Variants in TMEM132D observed in about 807,000 individuals in gnomAD.
TMEM132D encodes mature OL transmembrane protein.
TMEM132D carries 21 observed loss-of-function variants against 62.3 expected under a neutral mutation model. The observed-to-expected ratio is 0.34, with a 90% CI of 0.24 to 0.49. The LOEUF (loss-of-function observed/expected upper bound fraction) is 0.49. Among genes scored for constraint, TMEM132D ranks in the 20% least tolerant of loss-of-function variants. TMEM132D has a pLI of 0.99. For missense variants in TMEM132D, 1,346 were observed against 1,402.8 expected (o/e 0.96, Z 0.65); for synonymous variants, 621 against 575.6 (o/e 1.08, Z -1.13).
At chr12:129,423,229 A>G (rs1872382183) in intron 3 of TMEM132D, among the ~76,000 whole-genome samples, 1 of 152,190 alleles carries the variant, frequency 6.6e-6, no homozygotes, top group Non-Finnish European at 1.5e-5. Flanking sequence ...TTTAAGTCTG[A>G]AATCTATCAC....
chr12:129,397,813 G>A (rs1343912972), intron 3 of TMEM132D, among the ~76,000 whole-genome samples: 1 of 152,170 alleles, frequency 6.6e-6, no homozygotes, highest in Non-Finnish European at 1.5e-5. Flanking sequence ...CACCTGCACT[G>A]GCTGCACTGA....
intron 2 of TMEM132D, among the ~76,000 whole-genome samples, chr12:129,546,950 G>A (rs1045344074): frequency 9.2e-5 from 14 of 152,212 alleles, no homozygotes; most frequent in African/African-American, 2.9e-4. Context: ...GATTCATACA[G>A]GTTATGTTAG....
At position 129,881,965 on chromosome 12, in the gene TMEM132D, T is replaced by C. The variant is rs575417754; in HGVS notation, c.79+21296A>G. ...GGAATTATCGCTACAGATCTAAAAC[T>C]ACAAAAAGGCTAATAAAGCAATATC... On this transcript the variant is annotated intron_variant, in intron 1 of 8. Coordinates refer to ENST00000422113, the MANE Select transcript of TMEM132D (RefSeq NM_133448.3). 3.3e-5 allele frequency among the ~76,000 whole-genome samples: 5 copies of C among 152,126 alleles called. No homozygotes were observed. In the South Asian group the frequency reaches 6.2e-4, roughly 19 times the overall value.
intron 1 of TMEM132D, among the ~76,000 whole-genome samples, chr12:129,899,268 GATGGATGGATGC>G (rs1292360898): frequency 2.1e-5 from 3 of 143,410 alleles, no homozygotes; most frequent in African/African-American, 8.2e-5. Flanking sequence ...TGGATGGATG[GATGGATGGATGC>G]ATGGATGGAT....
intron 2 of TMEM132D, among the ~76,000 whole-genome samples, chr12:129,557,020 T>A (rs1256963807): frequency 6.6e-6 from 1 of 152,224 alleles, no homozygotes; most frequent in Non-Finnish European, 1.5e-5. Flanking sequence ...TGTTATATCC[T>A]TCTTTTAAAA....
chr12:129,271,901 T>G (rs2135601344), intron 4 of TMEM132D, among the ~76,000 whole-genome samples: 1 of 152,036 alleles, frequency 6.6e-6, no homozygotes, highest in Admixed American at 6.5e-5. Flanking sequence ...AGTAGAATGT[T>G]TTATAATCCT....
At chr12:129,863,417 C>A (rs1873959844) in intron 1 of TMEM132D, among the ~76,000 whole-genome samples, 1 of 152,260 alleles carries the variant, frequency 6.6e-6, no homozygotes, top group East Asian at 1.9e-4. Flanking sequence ...ATTAACACGG[C>A]GAGTCTGGTA....
intron 5 of TMEM132D, among the ~76,000 whole-genome samples, chr12:129,105,287 G>T (rs561446305): frequency 6.9e-6 from 1 of 145,196 alleles, no homozygotes; most frequent in Non-Finnish European, 1.5e-5. Flanking sequence ...GTAAACTATC[G>T]TAAGAACAAA....
chr12:129,144,831 ATTATC>A (rs1876844835), intron 5 of TMEM132D, among the ~76,000 whole-genome samples: 5 of 152,042 alleles, frequency 3.3e-5, no homozygotes, highest in African/African-American at 1.2e-4. Flanking sequence ...CTCTCTATTG[ATTATC>A]TATCTATGTA....
intron 2 of TMEM132D, among the ~76,000 whole-genome samples, chr12:129,576,285 C>G (rs1354911229): frequency 6.6e-6 from 1 of 151,714 alleles, no homozygotes; most frequent in African/African-American, 2.4e-5. Context: ...TTGGGTTTTT[C>G]TTACTATAAC....
In TMEM132D at chr12:129,337,656, A is replaced by G. The variant is rs780735174; in HGVS notation, c.1277T>C (p.Ile426Thr). ...TACCATAGCCAGCGGCACAACTCCA[A>G]TCAAGTCCTTTGGGCTCACATAGAT... ...SKIYVSPKDLIGVVPLAMEAE... is the reference protein window; with the variant it reads ...SKIYVSPKDLTGVVPLAMEAE... The change falls in exon 4 of 9, where the codon ATT becomes ACT. Residue 426 changes from isoleucine to threonine, a missense_variant. Physicochemically the swap from Ile to Thr is moderately conservative, Grantham distance 89. Coordinates refer to ENST00000422113, the MANE Select transcript of TMEM132D (RefSeq NM_133448.3). The G allele has an allele frequency of 8.7e-6, 14 of 1,613,922 alleles. No homozygotes were observed. Among genetic ancestry groups the G allele is most frequent in the Middle Eastern group, 1.6e-4 (1 of 6,084 alleles).
chr12:129,572,822 C>G (rs186692783), intron 2 of TMEM132D, among the ~76,000 whole-genome samples: 1 of 152,038 alleles, frequency 6.6e-6, no homozygotes, highest in South Asian at 2.1e-4. Context: ...TCCTTAGATT[C>G]TTTTCCTTGG....
intron 3 of TMEM132D, among the ~76,000 whole-genome samples, chr12:129,450,407 G>A (rs879645045): frequency 7.2e-5 from 11 of 152,024 alleles, no homozygotes; most frequent in African/African-American, 1.2e-4. Flanking sequence ...CCCCCATGTC[G>A]TAAGTTTATC....
chr12:129,081,913 G>A lies in TMEM132D; in HGVS notation c.1769C>T (p.Pro590Leu), dbSNP rs1287609407. The A allele has an allele frequency of 1.9e-6, 3 of 1,614,040 alleles. No individual in the cohort carries two copies. Among genetic ancestry groups the A allele is most frequent in the Middle Eastern group, 1.7e-4 (1 of 6,060 alleles). ...CAGCAGGTGGGCCAGGTGTCCCCCA[G>A]GGCCGGCCGCCTCAGCCACAAACTG... ...LTQFVAEAAG[P>L]GGHLAHLLGS... is the part of the protein sequence containing the mutation. The change falls in exon 7 of 9, where the codon CCT (proline) becomes CTT (leucine). Residue 590 changes from proline (P) to leucine (L), a missense_variant. Pro to Leu is a moderately conservative substitution (Grantham distance 98). Transcript: ENST00000422113.
chr12:129,545,919 T>C (rs1876719293), intron 2 of TMEM132D, among the ~76,000 whole-genome samples: 1 of 152,098 alleles, frequency 6.6e-6, no homozygotes, highest in Non-Finnish European at 1.5e-5. Context: ...ACCAGGAATA[T>C]GAGGAGGAAC....
intron 3 of TMEM132D, among the ~76,000 whole-genome samples, chr12:129,424,644 C>T (rs1179887684): frequency 5.5e-5 from 7 of 128,334 alleles, no homozygotes; most frequent in African/African-American, 1.1e-4. Context: ...GGAGGCGGAG[C>T]TTGCAGTGAG....
intron 3 of TMEM132D, among the ~76,000 whole-genome samples, chr12:129,524,920 C>CTCTT (rs1875968778): frequency 3.3e-5 from 3 of 92,170 alleles, no homozygotes; most frequent in African/African-American, 4.4e-5. Context: ...ATATTTTTTT[C>CTCTT]TTTTTTCTTT....
intron 4 of TMEM132D, among the ~76,000 whole-genome samples, chr12:129,230,309 G>GC (rs1555239649): frequency 2.7e-5 from 4 of 149,256 alleles, no homozygotes; most frequent in African/African-American, 9.9e-5. Flanking sequence ...TGTGTTGGAG[G>GC]GGGGGGGCTC....
intron 5 of TMEM132D, among the ~76,000 whole-genome samples, chr12:129,109,275 G>T (rs1197161039): frequency 6.6e-6 from 1 of 152,178 alleles, no homozygotes; most frequent in East Asian, 1.9e-4. Context: ...GGTTAACATT[G>T]TTCCAGCTCC....
Sources: allele counts gnomAD v4.1 joint callset (sites outside exome capture counted in the v4.1 genomes callset), GRCh38; gene constraint gnomAD v4.1.1; transcripts MANE v1.5; gene names NCBI Gene and HGNC (gene_info 2026-07-23, HGNC 2026-07-21).